DDX46: variants seen among roughly 807,000 people sequenced by gnomAD.
DDX46 encodes the protein probable ATP-dependent RNA helicase DDX46.
Under a neutral mutation model 134.9 loss-of-function variants are expected in DDX46, and 30 were observed. The ratio of observed to expected loss-of-function variants is 0.22; its 90% CI spans 0.17 to 0.30. The LOEUF (loss-of-function observed/expected upper bound fraction) is 0.30. DDX46 is among the 10% of genes least tolerant of loss of function. The pLI is 1.00. For synonymous variants in DDX46, 415 were observed against 404.1 expected (o/e 1.03, Z -0.32); for missense variants, 622 against 1,248.7 (o/e 0.50, Z 7.56).
intron 17 of DDX46, 161 bp downstream of exon 17, chr5:134,811,519 T>C (rs1755141267): frequency 1.7e-6 from 2 of 1,187,504 alleles, no homozygotes; most frequent in Non-Finnish European, 2.3e-6. Flanking sequence ...AATCCTATCT[T>C]ATTCTTGAAC....
In DDX46 at chr5:134,819,984, C is replaced by T. The variant is rs1159561842; in HGVS notation, c.2977+980C>T. ...TGCCCAGAGCTGGAGTGCAATAGCGCGATCTTGACTCACTGCAACCTCCAC... is the reference window on the plus strand; with the variant it reads ...TGCCCAGAGCTGGAGTGCAATAGCGTGATCTTGACTCACTGCAACCTCCAC... On this transcript the variant is annotated intron_variant, in intron 21 of 22. Coordinates refer to ENST00000452510, the MANE Select transcript of DDX46 (RefSeq NM_001300860.2). Among the ~76,000 whole-genome samples, 7 of 152,090 alleles carry T rather than the reference C, an allele frequency of 4.6e-5. No individual in the cohort carries two copies. The East Asian group carries it at 7.7e-4, about 17-fold the overall frequency.
chr5:134,821,438 A>T (rs1580821395), intron 21 of DDX46, among the ~76,000 whole-genome samples: 1 of 151,790 alleles, frequency 6.6e-6, no homozygotes, highest in South Asian at 2.1e-4. Context: ...CTGCCTCCCA[A>T]AGTGTTGGGA....
Position 134,811,718 on chromosome 5 carries a change from G to A in DDX46, c.2309G>A (p.Ser770Asn). ...QKAEGKIIKK[S>N]SGFSGKGFKF... is the part of the protein sequence containing the mutation. ...AAGGAGGGGAAAATAATTAAAAAGAGTAGTGGGTTCTCTGGTAAGGGATTC... is the reference window on the plus strand; with the variant it reads ...AAGGAGGGGAAAATAATTAAAAAGAATAGTGGGTTCTCTGGTAAGGGATTC... The change falls in exon 18 of 23, where the codon AGT becomes AAT. Residue 770 changes from serine to asparagine, a missense_variant. Physicochemically the swap from Ser to Asn is conservative, Grantham distance 46. Coordinates refer to ENST00000452510, the MANE Select transcript of DDX46 (RefSeq NM_001300860.2). The A allele has an allele frequency of 6.2e-7, 1 of 1,606,082 alleles. No homozygotes were observed. The highest frequency in any genetic ancestry group is 8.5e-7 in the Non-Finnish European group (1 of 1,178,140).
At chr5:134,826,814 A>T in intron 21 of DDX46, 133 bp from the exon 22 acceptor site, 1 of 717,018 alleles carries the variant, frequency 1.4e-6, no homozygotes, top group Non-Finnish European at 2.2e-6. Context: ...ACCAGGCATT[A>T]AATGGCTATC....
intron 12 of DDX46, 173 bp from the exon 13 acceptor site, chr5:134,790,297 A>G (rs1314606215): frequency 3.2e-6 from 2 of 633,246 alleles, no homozygotes; most frequent in Non-Finnish European, 5.6e-6. Context: ...CACTAGATTA[A>G]GACATTGTAG....
Position 134,828,658 on chromosome 5 carries a change from G to A in DDX46, c.3052-1G>A. 1.3e-6 allele frequency: 2 copies of A among 1,501,146 alleles called. No individual in the cohort carries two copies. The highest frequency in any genetic ancestry group is 1.4e-5 in the South Asian group (1 of 70,670). The allele number at this position is 1,501,146 out of a possible 1,614,324, so 93.0% of individuals were successfully genotyped here. A position where few individuals can be genotyped will look rare whatever the true frequency, so the allele number is the denominator to read the frequency against. ...GACATATCTTTTATTTCCTATTACA[G>A]CAAAATTCATACCAACCAACAAATA... On this transcript the variant is annotated splice_acceptor_variant, in intron 22 of 22. Coordinates refer to ENST00000452510, the MANE Select transcript of DDX46 (RefSeq NM_001300860.2). LOFTEE classifies it high-confidence loss of function.
intron 17 of DDX46, 116 bp from the exon 18 acceptor site, chr5:134,811,580 G>A (rs1755142773): frequency 1.7e-6 from 2 of 1,204,084 alleles, no homozygotes; most frequent in Non-Finnish European, 2.3e-6. Flanking sequence ...TTACATGCTA[G>A]ATGAAGTGTT....
chr5:134,813,860 A>C (rs1410903799), intron 18 of DDX46, among the ~76,000 whole-genome samples: 1 of 151,694 alleles, frequency 6.6e-6, no homozygotes, highest in Non-Finnish European at 1.5e-5. Context: ...CCTGGGCTCA[A>C]GTGATCCTCC....
At chr5:134,795,276 C>T (rs924069545) in intron 14 of DDX46, among the ~76,000 whole-genome samples, 4 of 150,096 alleles carry the variant, frequency 2.7e-5, no homozygotes, top group East Asian at 1.9e-4. Context: ...TTGCAGTCCC[C>T]GGAGTTCTGG....
intron 13 of DDX46, among the ~76,000 whole-genome samples, chr5:134,792,713 T>G (rs1754539453): frequency 6.6e-6 from 1 of 152,196 alleles, no homozygotes; most frequent in South Asian, 2.1e-4. Flanking sequence ...TACAGGTACA[T>G]AAGTACATAT....
In DDX46 at chr5:134,805,915, T is replaced by C. The variant is rs1189678336; in HGVS notation, c.1955-1833T>C. On this transcript the variant is annotated intron_variant, in intron 15 of 22. Transcript: ENST00000452510. ...TTTGGGTGCGGGTTCTTATTGATTT[T>C]AAGATATAAAGACATCCTAAAGGCC... Among the ~76,000 whole-genome samples, 3 of 152,150 alleles carry C rather than the reference T, an allele frequency of 2.0e-5. No homozygotes were observed. In the East Asian group the frequency reaches 5.8e-4, roughly 29 times the overall value.
chr5:134,782,175 A>T, intron 8 of DDX46, 89 bp downstream of exon 8: 1 of 1,284,632 alleles, frequency 7.8e-7, no homozygotes, highest in Non-Finnish European at 1.0e-6. Context: ...ATAGTGTCTC[A>T]TGAAGGAGGG....
rs1370161160 is a variant in DDX46 at position 134,796,062 on chromosome 5, CATT to C, written c.1869_1871del (p.Ile624del). 6.2e-7 allele frequency: 1 copy of C among 1,613,834 alleles called. No homozygotes were observed. Among genetic ancestry groups the C allele is most frequent in the Non-Finnish European group, 8.5e-7 (1 of 1,179,932 alleles). The stretch of plus-strand genomic sequence containing the variant: ...GCCATTATCAAGAGTCAGGATCTGT[CATT>C]ATATTTGTGGATAAGCAGGAACATG... On this transcript the variant is annotated inframe_deletion, in exon 15 of 23. Coordinates refer to ENST00000452510, the MANE Select transcript of DDX46 (RefSeq NM_001300860.2).
At chr5:134,782,174 C>T in intron 8 of DDX46, 88 bp downstream of exon 8, 5 of 1,286,622 alleles carry the variant, frequency 3.9e-6, no homozygotes, top group Non-Finnish European at 5.2e-6. Context: ...GATAGTGTCT[C>T]ATGAAGGAGG....
Position 134,790,984 on chromosome 5 carries a change from C to T in DDX46, c.1626+432C>T, listed in dbSNP as rs1233521119. On this transcript the variant is annotated intron_variant, in intron 13 of 22. Coordinates refer to ENST00000452510, the MANE Select transcript of DDX46 (RefSeq NM_001300860.2). ...GGACTACAGGTGCCCGCCACCACGC[C>T]CGGTTAACTTTTTAATAGAGATGGA... Among the ~76,000 whole-genome samples the T allele has an allele frequency of 2.7e-5, 3 of 109,562 alleles. No homozygotes were observed. In the East Asian group the frequency reaches 1.3e-3, roughly 46 times the overall value. The allele number at this position is 109,562 out of a possible 152,430, so 71.9% of individuals were successfully genotyped here. A position where few individuals can be genotyped will look rare whatever the true frequency, so the allele number is the denominator to read the frequency against.
In DDX46 at chr5:134,781,228, T is replaced by C. The variant is rs1006973847; in HGVS notation, c.861T>C (p.Asn287=). Residue 287 remains asparagine, a synonymous_variant, in exon 7 of 23, where the codon AAT becomes AAC. Coordinates refer to ENST00000452510, the MANE Select transcript of DDX46 (RefSeq NM_001300860.2). ...AGAAGAAAGGTGAGCTGATGGAGAA[T>C]GACCAGGATGCCATGGAGGTGATTT... is the stretch of plus-strand genomic sequence containing the variant. ...SDKKKGELME[N]DQDAMEYSSE... is the part of the protein sequence containing the mutation. 17 of 1,604,732 alleles carry C rather than the reference T, an allele frequency of 1.1e-5. No individual in the cohort carries two copies. The highest frequency in any genetic ancestry group is 1.3e-5 in the African/African-American group (1 of 74,330).
rs185578028 is a variant in DDX46 at position 134,822,450 on chromosome 5, A to C, written c.2977+3446A>C. On this transcript the variant is annotated intron_variant, in intron 21 of 22. Coordinates refer to ENST00000452510, the MANE Select transcript of DDX46 (RefSeq NM_001300860.2). ...AGGGTTCAAGTGATCCTCTATCCTT[A>C]GCCTCCTGAACAGCTAGGACCACAG... 6.2e-4 allele frequency among the ~76,000 whole-genome samples: 95 copies of C among 152,168 alleles called. No homozygotes were observed. In the Middle Eastern group the frequency reaches 0.02, roughly 33 times the overall value.
chr5:134,805,943 G>A (rs770278787), intron 15 of DDX46, among the ~76,000 whole-genome samples: 5 of 152,082 alleles, frequency 3.3e-5, no homozygotes, highest in Non-Finnish European at 5.9e-5. Flanking sequence ...TAAAGGCCAG[G>A]CCTGGTGGCT....
chr5:134,765,024 T>C (rs1374139654), intron 2 of DDX46, among the ~76,000 whole-genome samples: 1 of 151,844 alleles, frequency 6.6e-6, no homozygotes, highest in Non-Finnish European at 1.5e-5. Flanking sequence ...TTTAATGAGC[T>C]GTCATAGATT....
Sources: allele counts gnomAD v4.1 joint callset (sites outside exome capture counted in the v4.1 genomes callset), GRCh38; gene constraint gnomAD v4.1.1; transcripts MANE v1.5; gene names NCBI Gene and HGNC (gene_info 2026-07-23, HGNC 2026-07-21).